PDE8B: variants seen among roughly 807,000 people sequenced by gnomAD.
PDE8B encodes phosphodiesterase 8B.
A neutral mutation model predicts 101.3 loss-of-function variants in PDE8B; 26 were observed. The ratio of observed to expected loss-of-function variants is 0.26; its 90% CI spans 0.19 to 0.36. The LOEUF is 0.36. Ranked by LOEUF, PDE8B falls within the 10% of genes least tolerant of loss-of-function variation. The pLI, the probability that PDE8B is intolerant of heterozygous loss-of-function variation, is 1.00. For missense variants in PDE8B, 810 were observed against 1,163.1 expected, an observed-to-expected ratio of 0.70 and a Z score of 4.42; for synonymous variants, 424 against 429.3, an observed-to-expected ratio of 0.99 and a Z score of 0.15.
At chr5:77,118,433 A>C in the PDE8B span, 1 of 398,608 alleles carries the variant, frequency 2.5e-6, no homozygotes, top group Admixed American at 4.4e-5. Context: ...CTGGAGAGTC[A>C]TGAGGTGCTT....
At chr5:77,147,182 G>T in the PDE8B span, 1 of 325,514 alleles carries the variant, frequency 3.1e-6, no homozygotes, top group Non-Finnish European at 6.3e-6. Flanking sequence ...TTCTAGCACA[G>T]TTTTTTTTCT....
At chr5:77,184,432 G>A in the PDE8B span, among the ~76,000 whole-genome samples, 1 of 152,202 alleles carries the variant, frequency 6.6e-6, no homozygotes, top group Non-Finnish European at 1.5e-5. Context: ...GGTAGGACTT[G>A]TTGGTTGCCA....
At chr5:77,384,069 T>C (rs1228736375) in intron 10 of PDE8B, among the ~76,000 whole-genome samples, 1 of 152,250 alleles carries the variant, frequency 6.6e-6, no homozygotes, top group East Asian at 1.9e-4. Context: ...TAAATTACTA[T>C]GGGCAGTATG....
chr5:77,293,662 C>T (rs1347355726), intron 1 of PDE8B, among the ~76,000 whole-genome samples: 1 of 152,188 alleles, frequency 6.6e-6, no homozygotes, highest in East Asian at 1.9e-4. Flanking sequence ...GCTCAGTAAA[C>T]ATTTGTTGAA....
At chr5:77,094,056 A>G in the PDE8B span, among the ~76,000 whole-genome samples, 2 of 152,100 alleles carry the variant, frequency 1.3e-5, no homozygotes, top group South Asian at 4.1e-4. Flanking sequence ...GTCAAAATTA[A>G]GGTGTCAGCT....
intron 2 of PDE8B, among the ~76,000 whole-genome samples, chr5:77,318,545 A>C (rs1013691109): frequency 6.6e-6 from 1 of 152,118 alleles, no homozygotes; most frequent in Non-Finnish European, 1.5e-5. Context: ...ATAATGCCCA[A>C]CTCCAAAGAG....
intron 10 of PDE8B, among the ~76,000 whole-genome samples, chr5:77,381,572 CATTTT>C (rs1382744023): frequency 1.3e-5 from 2 of 151,928 alleles, no homozygotes; most frequent in African/African-American, 4.8e-5. Context: ...GGCCTTGACT[CATTTT>C]AGTTGCTAAA....
chr5:77,095,029 A>G, the PDE8B span, among the ~76,000 whole-genome samples: 1 of 152,208 alleles, frequency 6.6e-6, no homozygotes, highest in East Asian at 1.9e-4. Flanking sequence ...AGTCAGACAG[A>G]GCCACGTCAG....
chr5:77,090,294 C>T, the PDE8B span, among the ~76,000 whole-genome samples: 2 of 152,114 alleles, frequency 1.3e-5, no homozygotes, highest in Admixed American at 6.5e-5. Flanking sequence ...GGCTGGAGTG[C>T]AGTGGCACGA....
At chr5:77,364,015 T>C (rs1783642401) in intron 10 of PDE8B, among the ~76,000 whole-genome samples, 1 of 152,078 alleles carries the variant, frequency 6.6e-6, no homozygotes, top group African/African-American at 2.4e-5. Context: ...TGATGTGCCA[T>C]GGAAGGGAGT....
At chr5:77,306,541 G>A (rs1292363140) in intron 1 of PDE8B, among the ~76,000 whole-genome samples, 1 of 152,194 alleles carries the variant, frequency 6.6e-6, no homozygotes, top group Non-Finnish European at 1.5e-5. Context: ...GAGGGCAAGG[G>A]CGTTGGAGCA....
the PDE8B span, among the ~76,000 whole-genome samples, chr5:77,134,930 T>C: frequency 6.6e-6 from 1 of 152,228 alleles, no homozygotes; most frequent in Non-Finnish European, 1.5e-5. Flanking sequence ...AAATGGACTG[T>C]GGCAGTCCTG....
intron 13 of PDE8B, among the ~76,000 whole-genome samples, chr5:77,408,243 T>C (rs1793872427): frequency 6.6e-6 from 1 of 152,200 alleles, no homozygotes; most frequent in Non-Finnish European, 1.5e-5. Flanking sequence ...AGGAAAAGTA[T>C]TATGTCAGGC....
rs201222672 is a variant in PDE8B, at chr5:77,243,678, TG to T, written c.339+32416del. 6.4e-3 allele frequency among the ~76,000 whole-genome samples: 973 copies of T among 152,342 alleles called. 13 individuals carry two copies. The highest frequency in any genetic ancestry group is 0.022 in the African/African-American group (929 of 41,574). ...TCATGTTGTAGCATGTGTGAGTAGT[TG>T]GTTCCATTTTATTGCTAAGTGGTGT... is the stretch of plus-strand genomic sequence containing the variant. On this transcript the variant is annotated intron_variant, in intron 1 of 21. Transcript: ENST00000264917.
At chr5:77,183,878 T>G in the PDE8B span, among the ~76,000 whole-genome samples, 3 of 152,334 alleles carry the variant, frequency 2.0e-5, no homozygotes, top group Admixed American at 6.5e-5. Context: ...TATTTATATA[T>G]TTCTGCATAC....
chr5:77,363,361 T>G (rs1360560171), intron 10 of PDE8B, among the ~76,000 whole-genome samples: 1 of 152,038 alleles, frequency 6.6e-6, no homozygotes, highest in East Asian at 1.9e-4. Flanking sequence ...GCTTGGGAAG[T>G]GAGGGGATGA....
the PDE8B span, among the ~76,000 whole-genome samples, chr5:77,149,724 T>C: frequency 0.94 from 143,117 of 152,318 alleles, 67,365 homozygotes; most frequent in East Asian, 1. Context: ...CTTTGCTAAA[T>C]TCTTCGATTA....
At chr5:77,303,794 A>G (rs1770532411) in intron 1 of PDE8B, among the ~76,000 whole-genome samples, 1 of 152,168 alleles carries the variant, frequency 6.6e-6, no homozygotes, top group South Asian at 2.1e-4. Flanking sequence ...GGTATGCATC[A>G]TTCTAAAACT....
At chr5:77,226,775 T>C (rs1752481510) in intron 1 of PDE8B, among the ~76,000 whole-genome samples, 1 of 152,234 alleles carries the variant, frequency 6.6e-6, no homozygotes, top group Admixed American at 6.5e-5. Context: ...GAGGATTTTC[T>C]TTGAGTAAAA....
Sources: allele counts gnomAD v4.1 joint callset (sites outside exome capture counted in the v4.1 genomes callset), GRCh38; gene constraint gnomAD v4.1.1; transcripts MANE v1.5; gene names NCBI Gene and HGNC (gene_info 2026-07-23, HGNC 2026-07-21).